The following BNIP2 variants were observed in gnomAD, a reference collection of about 807,000 sequenced individuals.
BNIP2 encodes BCL2/adenovirus E1B 19 kDa protein-interacting protein 2.
In BNIP2, 36 loss-of-function variants were observed where a neutral mutation model predicts 43.4. That is an observed-to-expected ratio of 0.83 (90% CI 0.64 to 1.10). The LOEUF is 1.10. Ranked by LOEUF, BNIP2 falls within the 50% of genes least tolerant of loss-of-function variation. The pLI is 0.00. For missense variants in BNIP2, 417 were observed against 374.1 expected (o/e 1.11, Z -0.95); for synonymous variants, 146 against 121.0 (o/e 1.21, Z -1.35).
Position 59,679,774 on chromosome 15 carries a change from A to G in BNIP2, c.119-6T>C. 6.8e-7 allele frequency: 1 copy of G among 1,466,826 alleles called. No homozygotes were observed. The highest frequency in any genetic ancestry group is 2.6e-5 in the Admixed American group (1 of 37,972). The allele number at this position is 1,466,826 out of a possible 1,614,324, so 90.9% of individuals were successfully genotyped here. A position where few individuals can be genotyped will look rare whatever the true frequency, so the allele number is the denominator to read the frequency against. On this transcript the variant is annotated splice_region_variant and splice_polypyrimidine_tract_variant and intron_variant, in intron 3 of 9. Transcript: ENST00000607373. ...TCCATTAACTTCTAGTGAGCCTGGA[A>G]TTGGAAAATAAAGAAAAAGATACGT...
In BNIP2 at chr15:59,677,244, C is replaced by A. The variant is rs576404279; in HGVS notation, c.472+667G>T. The stretch of plus-strand genomic sequence containing the variant: ...CGTCTTCCAGAGTGCCAAGCCCCGG[C>A]TGGACTGCTTGACTGAAGTATACAG... On this transcript the variant is annotated intron_variant, in intron 5 of 9. Coordinates refer to ENST00000607373, the MANE Select transcript of BNIP2 (RefSeq NM_004330.4). The A allele has an allele frequency of 2.5e-6, 4 of 1,595,822 alleles. No individual in the cohort carries two copies. In the African/African-American group the frequency reaches 5.4e-5, roughly 21 times the overall value.
Position 59,668,956 on chromosome 15 carries a change from T to G in BNIP2, c.829A>C (p.Asn277His). The change falls in exon 9 of 10, where the codon AAT becomes CAT. Residue 277 changes from asparagine to histidine, a missense_variant. Physicochemically the swap from Asn to His is moderately conservative, Grantham distance 68. Coordinates refer to ENST00000607373, the MANE Select transcript of BNIP2 (RefSeq NM_004330.4). Reference sequence around the variant, plus strand: ...ACAAGTTCTGCTAGTTCTGCCAAATTAAACACGTATCTAATTTTTTGGCTG... The same window carrying G: ...ACAAGTTCTGCTAGTTCTGCCAAATGAAACACGTATCTAATTTTTTGGCTG... ...KFSQKIRYVF[N>H]LAELAELVPM... 1 of 1,613,674 alleles carries G rather than the reference T, an allele frequency of 6.2e-7. No homozygotes were observed. The highest frequency in any genetic ancestry group is 8.5e-7 in the Non-Finnish European group (1 of 1,179,746).
intron 9 of BNIP2, among the ~76,000 whole-genome samples, chr15:59,664,847 T>C (rs1038644510): frequency 7.9e-5 from 12 of 152,210 alleles, no homozygotes; most frequent in African/African-American, 2.7e-4. Flanking sequence ...CAATTATCAA[T>C]CAATATTTTA....
rs755937490 is a variant in BNIP2, at chr15:59,660,158, A to C, written c.*3911T>G. The C allele has an allele frequency of 6.6e-6, 1 of 152,212 alleles. No individual in the cohort carries two copies. Among genetic ancestry groups the C allele is most frequent in the Non-Finnish European group, 1.5e-5 (1 of 68,054 alleles). 9.4% of individuals were successfully genotyped at this position (152,212 alleles called of 1,614,324 possible). ...TCTTGACTCTTTCTCGCAGCAACTC[A>C]AACTACACAATTCCTATGACCTATA... On this transcript the variant is annotated 3_prime_UTR_variant, in exon 10 of 10. Coordinates refer to ENST00000607373, the MANE Select transcript of BNIP2 (RefSeq NM_004330.4).
At chr15:59,673,534 C>G (rs551791711) in intron 5 of BNIP2, among the ~76,000 whole-genome samples, 1 of 152,190 alleles carries the variant, frequency 6.6e-6, no homozygotes, top group South Asian at 2.1e-4. Flanking sequence ...AAGGGATCTT[C>G]CCACCTCATA....
chr15:59,677,030 C>T (rs1749), intron 5 of BNIP2: 2 of 1,611,968 alleles, frequency 1.2e-6, no homozygotes, highest in South Asian at 1.1e-5. Context: ...GACTGTTAAT[C>T]ATTGATTCCC....
At chr15:59,669,159 G>A (rs1435679965) in intron 8 of BNIP2, 117 bp downstream of exon 8, 6 of 1,001,172 alleles carry the variant, frequency 6.0e-6, no homozygotes, top group Non-Finnish European at 8.9e-6. Context: ...ATTATACAAT[G>A]TATACACATA....
rs764405665 is a variant in BNIP2, at chr15:59,688,712, C to T, written c.-58+423G>A. The T allele has an allele frequency of 5.9e-5, 91 of 1,535,466 alleles. 2 individuals carry two copies. The South Asian group carries it at 1.0e-3, about 17-fold the overall frequency. On this transcript the variant is annotated intron_variant, in intron 1 of 9. Coordinates refer to ENST00000607373, the MANE Select transcript of BNIP2 (RefSeq NM_004330.4). ...ACTTATGCTGCTTCCGTGTCTATTC[C>T]CCGCGGTTACGAGGCATACCAGAAG...
chr15:59,667,741 G>T (rs1262767606), intron 9 of BNIP2, among the ~76,000 whole-genome samples: 1 of 152,180 alleles, frequency 6.6e-6, no homozygotes, highest in Non-Finnish European at 1.5e-5. Flanking sequence ...TATTTCAAAA[G>T]CACAAGTTAG....
chr15:59,677,966 G>A lies in BNIP2; in HGVS notation c.417C>T (p.Asp139=), dbSNP rs1199400907. 2 of 1,613,830 alleles carry A rather than the reference G, an allele frequency of 1.2e-6. No individual in the cohort carries two copies. Among genetic ancestry groups the A allele is most frequent in the Non-Finnish European group, 1.7e-6 (2 of 1,179,824 alleles). Reference sequence around the variant, plus strand: ...CAATTGCCTTCATATCAACCCTGTGGTCCTGTTCTCCAATCCTGAACATAC... The same window carrying A: ...CAATTGCCTTCATATCAACCCTGTGATCCTGTTCTCCAATCCTGAACATAC... ...RWRMFRIGEQ[D]HRVDMKAIEP... Residue 139 remains aspartate (D), a synonymous_variant, in exon 5 of 10, where the codon GAC becomes GAT. Coordinates refer to ENST00000607373, the MANE Select transcript of BNIP2 (RefSeq NM_004330.4).
In BNIP2 at chr15:59,663,768, A is replaced by G. The variant is rs879062238; in HGVS notation, c.*301T>C. ...GCATATAAATATTTCACCGAAGAAG[A>G]TGCATCATTCAATAAACAAATGCAA... is the stretch of plus-strand genomic sequence containing the variant. On this transcript the variant is annotated 3_prime_UTR_variant, in exon 10 of 10. Coordinates refer to ENST00000607373, the MANE Select transcript of BNIP2 (RefSeq NM_004330.4). 1.8e-5 allele frequency: 4 copies of G among 226,488 alleles called. No homozygotes were observed. In the South Asian group the frequency reaches 5.3e-4, roughly 30 times the overall value. The allele number at this position is 226,488 out of a possible 1,614,324, so 14.0% of individuals were successfully genotyped here.
intron 2 of BNIP2, among the ~76,000 whole-genome samples, chr15:59,681,438 G>A (rs1300116544): frequency 6.7e-6 from 1 of 150,136 alleles, no homozygotes; most frequent in African/African-American, 2.4e-5. Flanking sequence ...TTGGTGGGGG[G>A]GAACCCACAA....
chr15:59,681,027 T>C (rs1472050685), intron 2 of BNIP2, among the ~76,000 whole-genome samples: 6 of 152,234 alleles, frequency 3.9e-5, no homozygotes, highest in Admixed American at 3.9e-4. Context: ...GTAACAATTT[T>C]AAACAAATAT....
intron 2 of BNIP2, 82 bp from the exon 3 acceptor site, chr15:59,680,390 T>C (rs1027124126): frequency 1.9e-6 from 2 of 1,029,146 alleles, no homozygotes; most frequent in Non-Finnish European, 2.8e-6. Context: ...ACATACAGCT[T>C]ATAGAAATAA....
At position 59,688,678 on chromosome 15, in the gene BNIP2, G is replaced by A. The variant is rs1022474137; in HGVS notation, c.-58+457C>T. On this transcript the variant is annotated intron_variant, in intron 1 of 9. Coordinates refer to ENST00000607373, the MANE Select transcript of BNIP2 (RefSeq NM_004330.4). ...AGCGTACTAGGGAAGATCTATTAAA[G>A]CCCTGATTACTTATGCTGCTTCCGT... 25 of 1,526,384 alleles carry A rather than the reference G, an allele frequency of 1.6e-5. 1 individual carries two copies. Among genetic ancestry groups the A allele is most frequent in the Non-Finnish European group, 2.1e-5 (24 of 1,138,816 alleles). The allele number at this position is 1,526,384 out of a possible 1,614,324, so 94.6% of individuals were successfully genotyped here. A position where few individuals can be genotyped will look rare whatever the true frequency, so the allele number is the denominator to read the frequency against.
chr15:59,668,757 T>TACACAC (rs71425879), intron 9 of BNIP2, 135 bp downstream of exon 9: 23 of 588,020 alleles, frequency 3.9e-5, no homozygotes, highest in Middle Eastern at 4.8e-4. Context: ...TTTTCTTTGT[T>TACACAC]ACACACACAC....
chr15:59,668,669 T>C (rs1186975183), intron 9 of BNIP2: 1 of 458,598 alleles, frequency 2.2e-6, no homozygotes, highest in African/African-American at 2.0e-5. Flanking sequence ...CGGAAATAAT[T>C]TATCCTAGTT....
At chr15:59,669,235 TA>T (rs745487001) in intron 8 of BNIP2, 40 bp downstream of exon 8, 88 of 1,350,652 alleles carry the variant, frequency 6.5e-5, no homozygotes, top group Middle Eastern at 2.3e-4. Flanking sequence ...AATAAATAAA[TA>T]AAAAAAATAA....
At chr15:59,667,948 G>T (rs919056457) in intron 9 of BNIP2, among the ~76,000 whole-genome samples, 4 of 152,158 alleles carry the variant, frequency 2.6e-5, no homozygotes, top group Non-Finnish European at 2.9e-5. Context: ...TCAGCCTTAG[G>T]AACTCTGGGT....
Sources: gnomAD v4.1 joint callset for allele counts (sites outside exome capture counted in the v4.1 genomes callset) on GRCh38, gnomAD v4.1.1 for gene constraint, MANE v1.5 for transcripts, NCBI Gene and HGNC (gene_info 2026-07-23, HGNC 2026-07-21) for gene names.